TSKS: variants seen among roughly 807,000 people sequenced by gnomAD.
TSKS encodes the protein testis-specific serine kinase substrate.
TSKS carries 27 observed loss-of-function variants against 68.0 expected under a neutral mutation model. The ratio of observed to expected loss-of-function variants is 0.40; its 90% CI spans 0.29 to 0.55. The LOEUF is 0.55. Among genes scored for constraint, TSKS ranks in the 20% least tolerant of loss-of-function variants. The pLI is 0.53. For synonymous variants in TSKS, 331 were observed against 340.4 expected, an observed-to-expected ratio of 0.97 and a Z score of 0.30; for missense variants, 806 against 776.0, an observed-to-expected ratio of 1.04 and a Z score of -0.46.
chr19:49,754,314 C>T (rs2084376392), intron 2 of TSKS, among the ~76,000 whole-genome samples: 1 of 151,416 alleles, frequency 6.6e-6, no homozygotes, highest in Non-Finnish European at 1.5e-5. Flanking sequence ...GCCCAGCCAA[C>T]ATGGTTAAAC....
rs545460411 is a variant in TSKS at position 49,751,132 on chromosome 19, C to T, written c.400-2663G>A. The stretch of plus-strand genomic sequence containing the variant: ...CAGCCTGACCAACGTGGTGGAGCCC[C>T]GTCTCTACTAAAAATACAAAAATTA... On this transcript the variant is annotated intron_variant, in intron 2 of 10. Coordinates refer to ENST00000246801, the MANE Select transcript of TSKS (RefSeq NM_021733.2). 4.6e-5 allele frequency among the ~76,000 whole-genome samples: 7 copies of T among 151,630 alleles called. No homozygotes were observed. In the South Asian group the frequency reaches 6.3e-4, roughly 14 times the overall value.
chr19:49,757,890 CT>C (rs745890038), intron 2 of TSKS, among the ~76,000 whole-genome samples: 23,402 of 130,052 alleles, frequency 0.18, 1,872 homozygotes, highest in African/African-American at 0.29. Flanking sequence ...TCTCTGTCTT[CT>C]TTTTTTTTTT....
At chr19:49,757,959 C>T (rs1384927819) in intron 2 of TSKS, among the ~76,000 whole-genome samples, 5 of 149,442 alleles carry the variant, frequency 3.3e-5, no homozygotes, top group African/African-American at 9.9e-5. Context: ...GGCACGATCT[C>T]GGCTCTCTGC....
chr19:49,753,406 C>G (rs2084366551), intron 2 of TSKS, among the ~76,000 whole-genome samples: 1 of 151,786 alleles, frequency 6.6e-6, no homozygotes, highest in South Asian at 2.1e-4. Flanking sequence ...CTAAAAAATA[C>G]AAAAAATTAG....
At chr19:49,741,018 AAC>A (rs1252862321) in intron 9 of TSKS, among the ~76,000 whole-genome samples, 1 of 152,066 alleles carries the variant, frequency 6.6e-6, no homozygotes, top group Non-Finnish European at 1.5e-5. Flanking sequence ...CTCCACTGAA[AAC>A]ACAAAAAATT....
rs967624469 is a variant in TSKS at position 49,758,862 on chromosome 19, C to CT, written c.399+3141dup. Among the ~76,000 whole-genome samples the CT allele has an allele frequency of 8.7e-4, 127 of 145,530 alleles. 1 individual carries two copies. The highest frequency in any genetic ancestry group is 8.3e-3 in the South Asian group (38 of 4,604). Reference sequence around the variant, plus strand: ...ACACCACTGTCTACCTTAGTTGTTTCTTTTTTTTTTTTGAGACGGAGTTTT... The same window carrying CT: ...ACACCACTGTCTACCTTAGTTGTTTCTTTTTTTTTTTTTGAGACGGAGTTTT... On this transcript the variant is annotated intron_variant, in intron 2 of 10. Coordinates refer to ENST00000246801, the MANE Select transcript of TSKS (RefSeq NM_021733.2).
chr19:49,751,988 C>T (rs190304972), intron 2 of TSKS, among the ~76,000 whole-genome samples: 5 of 151,264 alleles, frequency 3.3e-5, no homozygotes, highest in South Asian at 2.1e-4. Context: ...GTTGAAGAAT[C>T]GCTTGAACCT....
chr19:49,742,293 G>T lies in TSKS; in HGVS notation c.1362-273C>A, dbSNP rs115813074. Among the ~76,000 whole-genome samples the T allele has an allele frequency of 7.6e-3, 1,155 of 152,022 alleles. 16 individuals are homozygous for T. Among genetic ancestry groups the T allele is most frequent in the African/African-American group, 0.026 (1,098 of 41,468 alleles). On this transcript the variant is annotated intron_variant, in intron 8 of 10. Coordinates refer to ENST00000246801, the MANE Select transcript of TSKS (RefSeq NM_021733.2). ...GCTCACTGCAACCTTCACCTACCGGGTTCAAACAATTCTCCTGCGTCAGCC... is the reference window on the plus strand; with the variant it reads ...GCTCACTGCAACCTTCACCTACCGGTTTCAAACAATTCTCCTGCGTCAGCC...
intron 4 of TSKS, among the ~76,000 whole-genome samples, chr19:49,747,751 C>T (rs2084314936): frequency 6.6e-6 from 1 of 152,198 alleles, no homozygotes; most frequent in Non-Finnish European, 1.5e-5. Context: ...CTCTGTCGGC[C>T]AGGCTGGAGT....
chr19:49,760,980 C>G (rs185028010), intron 2 of TSKS, among the ~76,000 whole-genome samples: 7 of 151,784 alleles, frequency 4.6e-5, no homozygotes, highest in Non-Finnish European at 8.8e-5. Flanking sequence ...CCCAGCTACT[C>G]GGGAGGCTGA....
chr19:49,747,138 C>T (rs1041624712), intron 5 of TSKS: 2 of 1,533,040 alleles, frequency 1.3e-6, no homozygotes, highest in Admixed American at 2.0e-5. Flanking sequence ...ACAGGACGGG[C>T]CTTCTCACCT....
intron 9 of TSKS, 27 bp from the exon 10 acceptor site, chr19:49,740,210 G>C (rs759121714): frequency 4.0e-5 from 64 of 1,598,244 alleles, no homozygotes; most frequent in Non-Finnish European, 5.0e-5. Flanking sequence ...AGGCGTAGCT[G>C]GGCTTGCTGG....
intron 8 of TSKS, among the ~76,000 whole-genome samples, chr19:49,742,500 T>C (rs1345418814): frequency 4.1e-4 from 55 of 133,206 alleles, no homozygotes; most frequent in Admixed American, 9.1e-4. Flanking sequence ...CCGGCCCTTT[T>C]TTTTTTTTTT....
chr19:49,740,109 G>A lies in TSKS; in HGVS notation c.1572C>T (p.Asp524=), dbSNP rs1222918710. Reference sequence around the variant, plus strand: ...GTAGGTTCTTGGCCCGCAGGGCCTCGTCTTGGGCCAGCCGAAGGGTGGAGC... The same window carrying A: ...GTAGGTTCTTGGCCCGCAGGGCCTCATCTTGGGCCAGCCGAAGGGTGGAGC... The part of the protein sequence containing the change: ...ALSSTLRLAQ[D]EALRAKNLLL... Residue 524 remains aspartate (D), a synonymous_variant, in exon 10 of 11, where the codon GAC becomes GAT. Transcript: ENST00000246801. 3.1e-6 allele frequency: 5 copies of A among 1,614,136 alleles called. No individual in the cohort carries two copies. The highest frequency in any genetic ancestry group is 1.7e-5 in the Admixed American group (1 of 60,010).
chr19:49,763,251 G>T lies in TSKS; in HGVS notation c.-4C>A. The T allele has an allele frequency of 2.7e-6, 4 of 1,488,242 alleles. No individual in the cohort carries two copies. Among genetic ancestry groups the T allele is most frequent in the Non-Finnish European group, 3.6e-6 (4 of 1,120,900 alleles). The allele number at this position is 1,488,242 out of a possible 1,614,324, so 92.2% of individuals were successfully genotyped here. ...TCTTCACCACCACGCTCGCCATGGT[G>T]TGGGGGTCTGGCTCCCAGGGAGGGG... On this transcript the variant is annotated 5_prime_UTR_variant, in exon 1 of 11. Transcript: ENST00000246801. The surrounding 1 kb of genome is among the most constrained non-coding windows in gnomAD (Gnocchi z 4.5).
rs2084256529 is a variant in TSKS at position 49,742,025 on chromosome 19, G to A, written c.1362-5C>T. On this transcript the variant is annotated splice_polypyrimidine_tract_variant and splice_region_variant and intron_variant, in intron 8 of 10. Coordinates refer to ENST00000246801, the MANE Select transcript of TSKS (RefSeq NM_021733.2). ...GTAGACAACTGCGACCCCTGGCTGG[G>A]GGAGGGGCGGTCACCAGATAAAGAG... 2.5e-6 allele frequency: 4 copies of A among 1,613,362 alleles called. No individual in the cohort carries two copies. In the South Asian group the frequency reaches 3.3e-5, roughly 13 times the overall value.
chr19:49,746,626 G>T lies in TSKS; in HGVS notation c.836C>A (p.Ser279Tyr). 1 of 1,610,436 alleles carries T rather than the reference G, an allele frequency of 6.2e-7. No homozygotes were observed. The highest frequency in any genetic ancestry group is 8.5e-7 in the Non-Finnish European group (1 of 1,179,578). Residue 279 changes from serine (S) to tyrosine (Y), a missense_variant, in exon 6 of 11, where the codon TCC becomes TAC. Physicochemically the swap from Ser to Tyr is moderately radical, Grantham distance 144 (BLOSUM62 -2). Transcript: ENST00000246801. ...SWNSLGPAATSQGCPGPPGSP... is the reference protein window; with the variant it reads ...SWNSLGPAATYQGCPGPPGSP... ...CCCTGGCGGGCCGGGGCAGCCCTGG[G>T]ACGTGGCGGCGGGGCCCAGGCTGTT...
intron 2 of TSKS, among the ~76,000 whole-genome samples, chr19:49,748,733 TGTG>T (rs1347209712): frequency 1.3e-5 from 2 of 151,868 alleles, no homozygotes; most frequent in African/African-American, 2.4e-5. Flanking sequence ...TGCTCAGACA[TGTG>T]GAGGAAGAAG....
rs957052144 is a variant in TSKS at position 49,744,147 on chromosome 19, C to A, written c.1361+84G>T. Reference sequence around the variant, plus strand: ...GTCTCCCAAAATGAACAGCGCCCCACCCTTCACTAATGTCCCATCTCCTTC... The same window carrying A: ...GTCTCCCAAAATGAACAGCGCCCCAACCTTCACTAATGTCCCATCTCCTTC... On this transcript the variant is annotated intron_variant, in intron 8 of 10. Transcript: ENST00000246801. 2.8e-6 allele frequency: 4 copies of A among 1,441,310 alleles called. No homozygotes were observed. The African/African-American group carries it at 4.2e-5, about 15-fold the overall frequency. 89.3% of individuals were successfully genotyped at this position (1,441,310 alleles called of 1,614,324 possible).
Sources: gnomAD v4.1 joint callset for allele counts (sites outside exome capture counted in the v4.1 genomes callset) on GRCh38, gnomAD v4.1.1 for gene constraint, Gnocchi (gnomAD v3.1) non-coding constraint, MANE v1.5 for transcripts, NCBI Gene and HGNC (gene_info 2026-07-23, HGNC 2026-07-21) for gene names.